The following ZFHX3 variants were observed in gnomAD, a reference collection of about 807,000 sequenced individuals.
The protein encoded by ZFHX3 is zinc finger homeobox 3.
Under a neutral mutation model 279.1 loss-of-function variants are expected in ZFHX3, and 42 were observed. The observed-to-expected ratio is 0.15, with a 90% confidence interval of 0.12 to 0.19. The LOEUF is 0.19. ZFHX3 is among the 10% of genes least tolerant of loss of function. The pLI, the probability that ZFHX3 is intolerant of heterozygous loss-of-function variation, is 1.00. For missense variants in ZFHX3, 4,981 were observed against 4,754.0 expected (o/e 1.05, Z -1.40); for synonymous variants, 2,293 against 1,957.8 (o/e 1.17, Z -4.52).
chr16:72,852,673 C>G (rs148237178), intron 4 of ZFHX3, among the ~76,000 whole-genome samples: 127 of 152,232 alleles, frequency 8.3e-4, no homozygotes, highest in African/African-American at 3.0e-3. Context: ...AAACCAAGTT[C>G]CTTTTATAAA....
At chr16:73,571,109 T>A (rs1464277275) in intron 2 of ZFHX3, among the ~76,000 whole-genome samples, 1 of 152,150 alleles carries the variant, frequency 6.6e-6, no homozygotes, top group East Asian at 1.9e-4. Context: ...TGGGAAATGG[T>A]AACAGCATAA....
chr16:73,821,071 G>T (rs1960726098), intron 1 of ZFHX3, among the ~76,000 whole-genome samples: 1 of 152,150 alleles, frequency 6.6e-6, no homozygotes, highest in Non-Finnish European at 1.5e-5. Flanking sequence ...CAGTCAGGGG[G>T]TGGAGAAACA....
At chr16:73,500,689 T>TAAA (rs1248862497) in intron 2 of ZFHX3, among the ~76,000 whole-genome samples, 1 of 51,780 alleles carries the variant, frequency 1.9e-5, no homozygotes, top group African/African-American at 8.3e-5. Flanking sequence ...AGTTTTAAAA[T>TAAA]ACAAAAAAAA....
intron 1 of ZFHX3, among the ~76,000 whole-genome samples, chr16:72,985,857 T>C (rs770792757): frequency 1.3e-5 from 2 of 152,012 alleles, no homozygotes; most frequent in East Asian, 1.9e-4. Flanking sequence ...CGCAGCACAG[T>C]TGTTAAGGTA....
At chr16:73,076,248 A>G (rs561805629) in intron 8 of ZFHX3, among the ~76,000 whole-genome samples, 1 of 152,282 alleles carries the variant, frequency 6.6e-6, no homozygotes, top group Non-Finnish European at 1.5e-5. Context: ...CGTGAAGATC[A>G]AGTGATTGTA....
At chr16:72,918,975 C>T (rs940442507) in intron 3 of ZFHX3, among the ~76,000 whole-genome samples, 4 of 151,884 alleles carry the variant, frequency 2.6e-5, no homozygotes, top group Admixed American at 1.3e-4. Flanking sequence ...GGATTACAGG[C>T]GTGAGCCACC....
intron 2 of ZFHX3, among the ~76,000 whole-genome samples, chr16:73,543,469 G>T (rs897309885): frequency 6.6e-6 from 1 of 152,138 alleles, no homozygotes; most frequent in Non-Finnish European, 1.5e-5. Context: ...TCCTTTGGAG[G>T]CACCGGCAGG....
In ZFHX3 at chr16:73,266,820, T is replaced by G. The variant is rs8048572; in HGVS notation, c.-1193-9684A>C. On this transcript the variant is annotated intron_variant, in intron 4 of 17. Transcript: ENST00000641206. ...CTCTCTTGCCTTCTGCCACATAAGA[T>G]AGGGCTTTCGCCTTCCGCCATGATT... 4.1e-3 allele frequency among the ~76,000 whole-genome samples: 630 copies of G among 152,360 alleles called. 3 individuals are homozygous for G. Among genetic ancestry groups the G allele is most frequent in the African/African-American group, 0.015 (608 of 41,596 alleles).
intron 1 of ZFHX3, among the ~76,000 whole-genome samples, chr16:73,785,367 A>G (rs375706241): frequency 1.1e-4 from 16 of 152,350 alleles, no homozygotes; most frequent in Admixed American, 6.5e-4. Flanking sequence ...TTTTCTGTGA[A>G]TAAATTTAAA....
intron 1 of ZFHX3, among the ~76,000 whole-genome samples, chr16:73,891,027 C>A (rs914688834): frequency 2.0e-5 from 3 of 150,616 alleles, no homozygotes; most frequent in Non-Finnish European, 4.4e-5. Flanking sequence ...CCGCTCCCCC[C>A]CTCCACCTCA....
intron 4 of ZFHX3, among the ~76,000 whole-genome samples, chr16:72,845,167 G>A (rs1338849601): frequency 6.6e-6 from 1 of 152,114 alleles, no homozygotes; most frequent in Non-Finnish European, 1.5e-5. Flanking sequence ...GCACTGCGGA[G>A]ATGAGGCACA....
intron 3 of ZFHX3, among the ~76,000 whole-genome samples, chr16:72,903,625 C>T (rs893703778): frequency 6.6e-6 from 1 of 152,102 alleles, no homozygotes; most frequent in Non-Finnish European, 1.5e-5. Context: ...GAATGCAAGG[C>T]CCCCGGGAAA....
chr16:73,727,043 G>C (rs2639316), intron 1 of ZFHX3, among the ~76,000 whole-genome samples: 136,864 of 152,186 alleles, frequency 0.9, 61,865 homozygotes, highest in Non-Finnish European at 0.94. Context: ...GTTCTCACAG[G>C]CTGTGTGAGA....
intron 1 of ZFHX3, among the ~76,000 whole-genome samples, chr16:73,845,822 C>A (rs1961435969): frequency 6.6e-6 from 1 of 151,038 alleles, no homozygotes; most frequent in African/African-American, 2.4e-5. Flanking sequence ...TCTTTTTTCT[C>A]TTTTTTTTTA....
At chr16:72,893,235 A>G (rs556162649) in intron 3 of ZFHX3, among the ~76,000 whole-genome samples, 3 of 152,246 alleles carry the variant, frequency 2.0e-5, no homozygotes, top group Non-Finnish European at 2.9e-5. Context: ...TTTTGGAGGT[A>G]GAATAAACTA....
chr16:72,991,839 G>C (rs1963107313), intron 1 of ZFHX3, among the ~76,000 whole-genome samples: 1 of 152,094 alleles, frequency 6.6e-6, no homozygotes, highest in East Asian at 1.9e-4. Flanking sequence ...GGGAGTGGGT[G>C]AACTTTGTAC....
intron 4 of ZFHX3, among the ~76,000 whole-genome samples, chr16:73,306,652 G>C (rs987262792): frequency 1.3e-5 from 2 of 152,286 alleles, no homozygotes; most frequent in East Asian, 3.9e-4. Flanking sequence ...CCTCCAAATG[G>C]AATATGCCAT....
intron 7 of ZFHX3, chr16:73,127,626 G>A (rs1377187400): frequency 1.6e-6 from 2 of 1,273,432 alleles, no homozygotes; most frequent in Non-Finnish European, 2.1e-6. Context: ...AAGGAACAGG[G>A]TGCAGACTGG....
chr16:73,869,436 G>A (rs1962108200), intron 1 of ZFHX3, among the ~76,000 whole-genome samples: 1 of 152,186 alleles, frequency 6.6e-6, no homozygotes, highest in Non-Finnish European at 1.5e-5. Flanking sequence ...CTGTCTTCAA[G>A]CAAAAGTTAC....
Sources: gnomAD v4.1 joint callset for allele counts (sites outside exome capture counted in the v4.1 genomes callset) on GRCh38, gnomAD v4.1.1 for gene constraint, MANE v1.5 for transcripts, NCBI Gene and HGNC (gene_info 2026-07-23, HGNC 2026-07-21) for gene names.